RAB36: variants seen among roughly 807,000 people sequenced by gnomAD.
RAB36 encodes ras-related protein Rab-36.
A neutral mutation model predicts 39.3 loss-of-function variants in RAB36; 33 were observed. That is an observed-to-expected ratio of 0.84 (90% CI 0.64 to 1.12). RAB36 has a LOEUF of 1.12. Among genes scored for constraint, RAB36 ranks in the 50% most tolerant of loss-of-function variants. RAB36 has a pLI of 0.00. For missense variants in RAB36, 308 were observed against 355.3 expected (o/e 0.87, Z 1.07); for synonymous variants, 133 against 140.2 (o/e 0.95, Z 0.36).
chr22:23,150,458 C>T (rs374805120), intron 3 of RAB36, among the ~76,000 whole-genome samples: 46 of 152,048 alleles, frequency 3.0e-4, no homozygotes, highest in Admixed American at 1.6e-3. Context: ...CCCGCCACCA[C>T]GCCCGGCTAA....
chr22:23,167,702 A>C (rs541109420), downstream of RAB36, among the ~76,000 whole-genome samples: 6 of 150,508 alleles, frequency 4.0e-5, no homozygotes, highest in East Asian at 1.2e-3. Context: ...CTCTTTTTTT[A>C]ATTAATTTAT....
rs2071085907 is a variant in RAB36 at position 23,150,978 on chromosome 22, C to T, written c.161+824C>T. Among the ~76,000 whole-genome samples, 5 of 152,356 alleles carry T rather than the reference C, an allele frequency of 3.3e-5. No individual in the cohort carries two copies. In the South Asian group the frequency reaches 1.0e-3, roughly 32 times the overall value. On this transcript the variant is annotated intron_variant, in intron 3 of 10. Transcript: ENST00000263116. ...CCTGCCGCGGCAGCTCCTGCCACCA[C>T]TGGCAGAGGGATTGTGAAATAGTCA... is the stretch of plus-strand genomic sequence containing the variant.
At chr22:23,159,077 C>G in intron 8 of RAB36, 86 bp from the exon 9 acceptor site, 1 of 1,582,788 alleles carries the variant, frequency 6.3e-7, no homozygotes, top group Non-Finnish European at 8.6e-7. Context: ...GGAGGCAGCA[C>G]AGTGGGAAGC....
At chr22:23,160,414 C>T (rs2071711201) in intron 9 of RAB36, among the ~76,000 whole-genome samples, 1 of 152,222 alleles carries the variant, frequency 6.6e-6, no homozygotes, top group Admixed American at 6.5e-5. Flanking sequence ...TGGGCAGCCA[C>T]CTCTACCTGG....
At chr22:23,152,338 C>T (rs1601908646) in intron 3 of RAB36, 123 bp from the exon 4 acceptor site, 3 of 964,864 alleles carry the variant, frequency 3.1e-6, no homozygotes, top group Non-Finnish European at 5.0e-6. Flanking sequence ...CAGGGTGGCC[C>T]ATCCTGTGTC....
rs754043575 is a variant in RAB36 at position 23,160,857 on chromosome 22, C to T, written c.620-22C>T. The T allele has an allele frequency of 1.2e-5, 20 of 1,609,154 alleles. No homozygotes were observed. In the East Asian group the frequency reaches 1.6e-4, roughly 13 times the overall value. ...GCAAGGAGAAACACTGATGAGGTCCCGGCTGTCTTGTGGGCCCACAGGCGA... is the reference window on the plus strand; with the variant it reads ...GCAAGGAGAAACACTGATGAGGTCCTGGCTGTCTTGTGGGCCCACAGGCGA... On this transcript the variant is annotated intron_variant, in intron 9 of 10. Coordinates refer to ENST00000263116, the MANE Select transcript of RAB36 (RefSeq NM_004914.5).
In RAB36 at chr22:23,164,877, C is replaced by T. The variant is rs1339568420; in HGVS notation, c.*3313C>T. The stretch of plus-strand genomic sequence containing the variant: ...CCCAGGGTGCTCTCGCTCTGGCTTT[C>T]GAGGCTCCTCACCACCCAGCCCACC... On this transcript the variant is annotated 3_prime_UTR_variant, in exon 11 of 11. Coordinates refer to ENST00000263116, the MANE Select transcript of RAB36 (RefSeq NM_004914.5). 6.6e-6 allele frequency among the ~76,000 whole-genome samples: 1 copy of T among 152,052 alleles called. No homozygotes were observed. The highest frequency in any genetic ancestry group is 2.4e-5 in the African/African-American group (1 of 41,382).
intron 9 of RAB36, among the ~76,000 whole-genome samples, chr22:23,160,336 T>C (rs1350985249): frequency 6.6e-6 from 1 of 152,096 alleles, no homozygotes; most frequent in Non-Finnish European, 1.5e-5. Flanking sequence ...CCCTATGCGG[T>C]TGTGCAGGTT....
At chr22:23,157,956 G>GCA (rs771629904) in intron 6 of RAB36, 36 bp from the exon 7 acceptor site, 1 of 1,613,866 alleles carries the variant, frequency 6.2e-7, no homozygotes, top group Non-Finnish European at 8.5e-7. Context: ...GCCTCGCCTG[G>GCA]CACTGATTGG....
intron 2 of RAB36, among the ~76,000 whole-genome samples, chr22:23,149,259 CCTT>C (rs1232259580): frequency 6.6e-6 from 1 of 152,204 alleles, no homozygotes; most frequent in African/African-American, 2.4e-5. Context: ...TCAATGGTGT[CCTT>C]CTCCCCACAT....
rs899365018 is a variant in RAB36 at position 23,165,157 on chromosome 22, C to T, written c.*3593C>T. ...TCACCTCTACTGTCTCCCCTAGCAC[C>T]TCTGGGAGGAAGGGCCCACAGTAGG... is the stretch of plus-strand genomic sequence containing the variant. On this transcript the variant is annotated 3_prime_UTR_variant, in exon 11 of 11. Transcript: ENST00000263116. Among the ~76,000 whole-genome samples, 2 of 152,214 alleles carry T rather than the reference C, an allele frequency of 1.3e-5. No individual in the cohort carries two copies. The highest frequency in any genetic ancestry group is 2.1e-4 in the South Asian group (1 of 4,834).
downstream of RAB36, among the ~76,000 whole-genome samples, chr22:23,168,391 T>G (rs997981636): frequency 1.3e-5 from 2 of 152,014 alleles, no homozygotes; most frequent in Non-Finnish European, 2.9e-5. Flanking sequence ...AGAAGACATG[T>G]GGGGGGTTTC....
At position 23,149,125 on chromosome 22, in the gene RAB36, C is replaced by T. The variant is rs1184708976; in HGVS notation, c.70-938C>T. Among the ~76,000 whole-genome samples the T allele has an allele frequency of 4.0e-5, 6 of 148,756 alleles. No individual in the cohort carries two copies. In the South Asian group the frequency reaches 6.3e-4, roughly 16 times the overall value. On this transcript the variant is annotated intron_variant, in intron 2 of 10. Coordinates refer to ENST00000263116, the MANE Select transcript of RAB36 (RefSeq NM_004914.5). ...GCCCGAATCCATGGTTGAGACACTG[C>T]GGCTGAGGGAGGGGAGCTGTGGATC...
chr22:23,157,099 C>G (rs1445265576), intron 6 of RAB36, among the ~76,000 whole-genome samples: 1 of 152,154 alleles, frequency 6.6e-6, no homozygotes, highest in Non-Finnish European at 1.5e-5. Context: ...GACCGGGGTG[C>G]GGCCAGTGAT....
At chr22:23,146,170 C>A in intron 1 of RAB36, 1 of 266,926 alleles carries the variant, frequency 3.7e-6, no homozygotes, top group Non-Finnish European at 5.8e-6. Context: ...GAAATGGCCT[C>A]TGCCCCATAT....
chr22:23,151,251 C>T (rs1410481706), intron 3 of RAB36, among the ~76,000 whole-genome samples: 2 of 152,236 alleles, frequency 1.3e-5, no homozygotes, highest in Non-Finnish European at 2.9e-5. Flanking sequence ...GGTGCCATAT[C>T]AGGTGCTTCA....
intron 6 of RAB36, 191 bp downstream of exon 6, chr22:23,156,223 G>A (rs918661783): frequency 1.1e-5 from 6 of 557,696 alleles, no homozygotes; most frequent in East Asian, 1.0e-4. Flanking sequence ...TGACTTTGGC[G>A]ATCACACCCT....
rs1555954104 is a variant in RAB36 at position 23,163,607 on chromosome 22, C to CCCCG, written c.*2046_*2047insGCCC. The CCCCG allele has an allele frequency of 1.9e-4, 13 of 67,606 alleles. No homozygotes were observed. Among genetic ancestry groups the CCCCG allele is most frequent in the Non-Finnish European group, 2.9e-4 (9 of 30,550 alleles). The allele number at this position is 67,606 out of a possible 1,614,324, so 4.2% of individuals were successfully genotyped here. A position where few individuals can be genotyped will look rare whatever the true frequency, so the allele number is the denominator to read the frequency against. On this transcript the variant is annotated 3_prime_UTR_variant, in exon 11 of 11. Transcript: ENST00000263116. The stretch of plus-strand genomic sequence containing the variant: ...AAGCATATAAAATACAAGGTGAAAG[C>CCCCG]CCCCCCCCCGCCACATTAGCTGCGC...
At position 23,163,986 on chromosome 22, in the gene RAB36, T is replaced by C. The variant is rs1383509523; in HGVS notation, c.*2422T>C. 6.6e-6 allele frequency: 1 copy of C among 152,272 alleles called. No homozygotes were observed. The highest frequency in any genetic ancestry group is 1.5e-5 in the Non-Finnish European group (1 of 68,060). The allele number at this position is 152,272 out of a possible 1,614,324, so 9.4% of individuals were successfully genotyped here. On this transcript the variant is annotated 3_prime_UTR_variant, in exon 11 of 11. Transcript: ENST00000263116. The stretch of plus-strand genomic sequence containing the variant: ...CGGCTTGTGTCCAGCTTTTAGCTCT[T>C]GCCAATGGTGCTGCAGTGGCCATTC...
Sources: allele counts gnomAD v4.1 joint callset (sites outside exome capture counted in the v4.1 genomes callset), GRCh38; gene constraint gnomAD v4.1.1; transcripts MANE v1.5; gene names NCBI Gene and HGNC (gene_info 2026-07-23, HGNC 2026-07-21).